The following ZCWPW2 variants were observed in gnomAD, a reference collection of about 807,000 sequenced individuals.
The protein encoded by ZCWPW2 is zinc finger CW-type PWWP domain protein 2.
A neutral mutation model predicts 46.6 loss-of-function variants in ZCWPW2; 45 were observed. That is an observed-to-expected ratio of 0.96 (90% CI 0.76 to 1.24). The LOEUF (loss-of-function observed/expected upper bound fraction) is 1.24, where lower values mean the gene tolerates loss of function less well. ZCWPW2 is among the 50% of genes most tolerant of loss of function. The pLI is 0.00. For synonymous variants in ZCWPW2, 152 were observed against 137.1 expected, an observed-to-expected ratio of 1.11 and a Z score of -0.76; for missense variants, 429 against 403.9, an observed-to-expected ratio of 1.06 and a Z score of -0.53.
chr3:28,358,389 A>G (rs1671244150), intron 1 of ZCWPW2, among the ~76,000 whole-genome samples: 1 of 152,140 alleles, frequency 6.6e-6, no homozygotes, highest in Non-Finnish European at 1.5e-5. Flanking sequence ...TTTTCATTCA[A>G]GTGACTCTGA....
intron 1 of ZCWPW2, among the ~76,000 whole-genome samples, chr3:28,378,480 C>T (rs1035730615): frequency 2.0e-5 from 3 of 152,006 alleles, no homozygotes; most frequent in African/African-American, 7.2e-5. Flanking sequence ...AAATGGGTTT[C>T]ATATGCTGCT....
intron 6 of ZCWPW2, among the ~76,000 whole-genome samples, chr3:28,497,840 T>C (rs1469227103): frequency 6.6e-6 from 1 of 152,058 alleles, no homozygotes; most frequent in Non-Finnish European, 1.5e-5. Flanking sequence ...CCATGTGTGA[T>C]AGAGGTGTGT....
At chr3:28,515,698 G>T in intron 8 of ZCWPW2, 77 bp downstream of exon 8, 1 of 1,302,082 alleles carries the variant, frequency 7.7e-7, no homozygotes, top group Non-Finnish European at 1.1e-6. Context: ...GTCCTTTGAA[G>T]GAAAAAAAAA....
chr3:28,462,239 C>T (rs1698667643), intron 4 of ZCWPW2, among the ~76,000 whole-genome samples: 1 of 152,124 alleles, frequency 6.6e-6, no homozygotes, highest in South Asian at 2.1e-4. Context: ...TGTCAGTGCC[C>T]TGGGCATGTG....
At chr3:28,492,317 T>C (rs1462112192) in intron 6 of ZCWPW2, 144 bp downstream of exon 6, 1 of 683,858 alleles carries the variant, frequency 1.5e-6, no homozygotes, top group East Asian at 3.2e-5. Flanking sequence ...ATATGTTTCC[T>C]TTCTTAGGTT....
chr3:28,515,765 G>A, intron 8 of ZCWPW2, 144 bp downstream of exon 8: 1 of 588,342 alleles, frequency 1.7e-6, no homozygotes, highest in Non-Finnish European at 2.8e-6. Flanking sequence ...ATATACATGT[G>A]CGTACATATG....
chr3:28,506,127 T>C (rs1700270820), intron 6 of ZCWPW2, among the ~76,000 whole-genome samples: 1 of 147,624 alleles, frequency 6.8e-6, no homozygotes, highest in Admixed American at 6.8e-5. Flanking sequence ...CAAATATATA[T>C]TTTTAATATA....
rs1470467204 is a variant in ZCWPW2, at chr3:28,413,218, C to T, written c.150C>T (p.Ala50=). Residue 50 remains alanine, a synonymous_variant, in exon 3 of 10, where the codon GCC becomes GCT. Coordinates refer to ENST00000383768, the MANE Select transcript of ZCWPW2 (RefSeq NM_001040432.4). The stretch of plus-strand genomic sequence containing the variant: ...GATTGTTATCAAGTGAGGATTCAGC[C>T]AAGGTTGATCATGATGAACCATGGT... ...KWRLLSSEDS[A]KVDHDEPWYC... 2.5e-6 allele frequency: 4 copies of T among 1,613,146 alleles called. No individual in the cohort carries two copies. The highest frequency in any genetic ancestry group is 3.3e-5 in the Admixed American group (2 of 59,884).
chr3:28,486,204 A>G (rs1699594449), intron 5 of ZCWPW2, among the ~76,000 whole-genome samples: 1 of 152,164 alleles, frequency 6.6e-6, no homozygotes, highest in Admixed American at 6.6e-5. Context: ...CAAATATCTT[A>G]TAATGACAGA....
At chr3:28,370,436 C>A (rs566299067) in intron 1 of ZCWPW2, among the ~76,000 whole-genome samples, 1 of 152,138 alleles carries the variant, frequency 6.6e-6, no homozygotes, top group Non-Finnish European at 1.5e-5. Context: ...AATAAACTAG[C>A]TACAAGCAAT....
At chr3:28,453,708 T>C (rs1698311095) in intron 4 of ZCWPW2, among the ~76,000 whole-genome samples, 1 of 151,984 alleles carries the variant, frequency 6.6e-6, no homozygotes, top group Non-Finnish European at 1.5e-5. Flanking sequence ...AGTAAATAGC[T>C]GGAGAGTAAC....
At chr3:28,479,161 G>T (rs896511228) in intron 5 of ZCWPW2, among the ~76,000 whole-genome samples, 2 of 152,054 alleles carry the variant, frequency 1.3e-5, no homozygotes, top group African/African-American at 4.8e-5. Flanking sequence ...AGGAGTTCTT[G>T]TTAGCACTTT....
intron 6 of ZCWPW2, among the ~76,000 whole-genome samples, chr3:28,506,856 T>G (rs73823982): frequency 0.029 from 4,442 of 152,242 alleles, 191 homozygotes; most frequent in African/African-American, 0.095. Flanking sequence ...CACTGGTCCA[T>G]AGGTAAACAA....
intron 2 of ZCWPW2, among the ~76,000 whole-genome samples, chr3:28,406,595 A>G (rs1476416097): frequency 4.6e-5 from 7 of 152,122 alleles, no homozygotes; most frequent in African/African-American, 1.7e-4. Flanking sequence ...GAAATTATGA[A>G]GTATCTTATT....
chr3:28,432,962 T>G (rs1697328584), intron 3 of ZCWPW2, among the ~76,000 whole-genome samples: 1 of 152,146 alleles, frequency 6.6e-6, no homozygotes, highest in African/African-American at 2.4e-5. Context: ...AGAAAGGCCT[T>G]TTGTTATTTT....
At chr3:28,354,532 G>C (rs1294090844) in intron 1 of ZCWPW2, among the ~76,000 whole-genome samples, 15 of 134,688 alleles carry the variant, frequency 1.1e-4, no homozygotes, top group Non-Finnish European at 2.0e-4. Flanking sequence ...ATACCAAAGT[G>C]TGGCAGAGAC....
At chr3:28,494,656 C>A (rs1296747259) in intron 6 of ZCWPW2, among the ~76,000 whole-genome samples, 1 of 143,488 alleles carries the variant, frequency 7.0e-6, no homozygotes, top group South Asian at 2.4e-4. Flanking sequence ...TTGCAGACGA[C>A]ATGATTGTTT....
At chr3:28,474,590 T>TGC (rs1699157904) in intron 4 of ZCWPW2, among the ~76,000 whole-genome samples, 1 of 120,614 alleles carries the variant, frequency 8.3e-6, no homozygotes, top group African/African-American at 3.2e-5. Context: ...ATACAGCGTG[T>TGC]GTGTGTGTGT....
Position 28,482,619 on chromosome 3 carries a change from A to G in ZCWPW2, c.610+3688A>G, listed in dbSNP as rs145383164. On this transcript the variant is annotated intron_variant, in intron 5 of 9. Transcript: ENST00000383768. Reference sequence around the variant, plus strand: ...GCACCATTTTGCATTCCCACCAGCAATGAATGAGAGTTCCTGTTGCTCCAC... The same window carrying G: ...GCACCATTTTGCATTCCCACCAGCAGTGAATGAGAGTTCCTGTTGCTCCAC... Among the ~76,000 whole-genome samples, 386 of 152,298 alleles carry G rather than the reference A, an allele frequency of 2.5e-3. 1 individual carries two copies. Among genetic ancestry groups the G allele is most frequent in the African/African-American group, 8.5e-3 (353 of 41,554 alleles).
Sources: allele counts gnomAD v4.1 joint callset (sites outside exome capture counted in the v4.1 genomes callset), GRCh38; gene constraint gnomAD v4.1.1; transcripts MANE v1.5; gene names NCBI Gene and HGNC (gene_info 2026-07-23, HGNC 2026-07-21).